The following TTLL5 variants were observed in gnomAD, a reference collection of about 807,000 sequenced individuals.
TTLL5 encodes the protein tubulin tyrosine ligase like 5.
A neutral mutation model predicts 168.4 loss-of-function variants in TTLL5; 132 were observed. The observed-to-expected ratio is 0.78, with a 90% confidence interval of 0.68 to 0.91. The LOEUF is 0.91. Ranked by LOEUF, TTLL5 falls within the 40% of genes least tolerant of loss-of-function variation. The pLI is 0.00. For synonymous variants in TTLL5, 546 were observed against 558.6 expected (o/e 0.98, Z 0.32); for missense variants, 1,545 against 1,581.5 (o/e 0.98, Z 0.39).
chr14:75,868,478 C>T (rs1455020491), intron 29 of TTLL5, among the ~76,000 whole-genome samples: 1 of 152,188 alleles, frequency 6.6e-6, no homozygotes. Flanking sequence ...CTTTTCCCTT[C>T]CCACCATGTC....
intron 17 of TTLL5, among the ~76,000 whole-genome samples, 196 bp from the exon 18 acceptor site, chr14:75,752,697 A>T (rs528894945): frequency 6.6e-6 from 1 of 151,404 alleles, no homozygotes; most frequent in Non-Finnish European, 1.5e-5. Context: ...TTTTTATTCT[A>T]TTTGTTTCTA....
chr14:75,671,446 T>C (rs181832069), intron 3 of TTLL5, among the ~76,000 whole-genome samples: 27 of 152,292 alleles, frequency 1.8e-4, no homozygotes, highest in Admixed American at 1.8e-3. Context: ...GCTGTTGGGA[T>C]GTTGATAGGG....
chr14:75,868,930 C>G (rs1174582589), intron 29 of TTLL5, among the ~76,000 whole-genome samples: 1 of 151,854 alleles, frequency 6.6e-6, no homozygotes, highest in African/African-American at 2.4e-5. Flanking sequence ...GGCAAACAGT[C>G]TAGCCATGCA....
At chr14:75,789,855 T>C (rs1892593484) in intron 26 of TTLL5, among the ~76,000 whole-genome samples, 1 of 152,198 alleles carries the variant, frequency 6.6e-6, no homozygotes, top group Admixed American at 6.5e-5. Flanking sequence ...CATTGGATTT[T>C]TTAAGCCTAT....
At chr14:75,896,480 C>T (rs2032667262) in intron 30 of TTLL5, among the ~76,000 whole-genome samples, 1 of 152,170 alleles carries the variant, frequency 6.6e-6, no homozygotes, top group African/African-American at 2.4e-5. Flanking sequence ...TTTGCTCTTC[C>T]TGTAAAATCT....
intron 31 of TTLL5, among the ~76,000 whole-genome samples, chr14:75,924,044 CTT>C (rs55779705): frequency 2.1e-5 from 3 of 142,904 alleles, no homozygotes; most frequent in Non-Finnish European, 1.5e-5. Context: ...GCAACCCCAG[CTT>C]TTTTTTTTTT....
intron 7 of TTLL5, among the ~76,000 whole-genome samples, chr14:75,704,198 A>G (rs185651283): frequency 2.0e-5 from 3 of 152,324 alleles, no homozygotes; most frequent in South Asian, 2.1e-4. Context: ...CTCCTTTACA[A>G]TGACTTAACA....
rs971549792 is a variant in TTLL5, at chr14:75,887,290, C to A, written c.3740+4388C>A. ...TGTCAGAAGAATATGAAAATAAACA[C>A]CGGCTTAAAAAATGTTATATCTTTT... On this transcript the variant is annotated intron_variant, in intron 30 of 31. Coordinates refer to ENST00000298832, the MANE Select transcript of TTLL5 (RefSeq NM_015072.5). The A allele has an allele frequency of 6.1e-6, 6 of 985,582 alleles. No individual in the cohort carries two copies. In the African/African-American group the frequency reaches 1.0e-4, roughly 17 times the overall value. The allele number at this position is 985,582 out of a possible 1,614,324, so 61.1% of individuals were successfully genotyped here.
intron 27 of TTLL5, among the ~76,000 whole-genome samples, chr14:75,793,445 A>T (rs1892829954): frequency 6.6e-6 from 1 of 152,134 alleles, no homozygotes; most frequent in Non-Finnish European, 1.5e-5. Context: ...AGTCTTATAA[A>T]TCTTTTTACC....
intron 26 of TTLL5, among the ~76,000 whole-genome samples, chr14:75,786,217 T>C (rs1202216692): frequency 2.0e-5 from 3 of 152,174 alleles, no homozygotes; most frequent in Non-Finnish European, 4.4e-5. Context: ...AAATCGGTAA[T>C]AATAATGATC....
At chr14:75,923,548 A>G (rs2033900924) in intron 31 of TTLL5, among the ~76,000 whole-genome samples, 3 of 152,016 alleles carry the variant, frequency 2.0e-5, no homozygotes, top group Admixed American at 2.0e-4. Context: ...CTTGAGTTCT[A>G]ATTTGATTGC....
intron 9 of TTLL5, among the ~76,000 whole-genome samples, chr14:75,713,736 A>G (rs961958544): frequency 1.3e-5 from 2 of 152,238 alleles, no homozygotes; most frequent in Non-Finnish European, 2.9e-5. Flanking sequence ...GGCATTTACT[A>G]TTTAGTGCCA....
intron 15 of TTLL5, among the ~76,000 whole-genome samples, chr14:75,736,588 G>A (rs1888923821): frequency 6.6e-6 from 1 of 152,192 alleles, no homozygotes; most frequent in African/African-American, 2.4e-5. Context: ...AGGCATAAGT[G>A]TGGGCCAGGT....
chr14:75,776,638 C>T (rs1292346254), intron 22 of TTLL5, 109 bp from the exon 23 acceptor site: 1 of 695,614 alleles, frequency 1.4e-6, no homozygotes. Context: ...AATGTCTTTA[C>T]TATAAGGACA....
intron 30 of TTLL5, chr14:75,887,330 T>C (rs771743282): frequency 2.9e-5 from 29 of 985,032 alleles, no homozygotes; most frequent in Non-Finnish European, 3.5e-5. Context: ...ATATGAGTCA[T>C]TAAAGTGAGA....
At position 75,816,170 on chromosome 14, in the gene TTLL5, C is replaced by T. The variant is rs1227708338; in HGVS notation, c.3172-3837C>T. On this transcript the variant is annotated intron_variant, in intron 27 of 31. Coordinates refer to ENST00000298832, the MANE Select transcript of TTLL5 (RefSeq NM_015072.5). ...TGAGATAATGCACTTCAAGATCATG[C>T]AAGAACCCAGCACTTTGGGAGGCCA... Among the ~76,000 whole-genome samples the T allele has an allele frequency of 5.3e-5, 8 of 152,082 alleles. No homozygotes were observed. The South Asian group carries it at 1.0e-3, about 20-fold the overall frequency.
chr14:75,735,671 G>T (rs1888845585), intron 15 of TTLL5, among the ~76,000 whole-genome samples: 1 of 152,172 alleles, frequency 6.6e-6, no homozygotes, highest in South Asian at 2.1e-4. Flanking sequence ...TAAAGAAGAT[G>T]CTTTGTTGAA....
chr14:75,925,916 G>A (rs922471981), intron 31 of TTLL5, among the ~76,000 whole-genome samples: 3 of 151,898 alleles, frequency 2.0e-5, no homozygotes, highest in South Asian at 2.1e-4. Flanking sequence ...CAGGCGTGGC[G>A]GCGCGCACCT....
intron 15 of TTLL5, chr14:75,744,848 T>C: frequency 3.7e-6 from 1 of 271,600 alleles, no homozygotes; most frequent in East Asian, 6.3e-5. Flanking sequence ...ATTCTTTCTT[T>C]CTTCTCTTTT....
Sources: allele counts gnomAD v4.1 joint callset (sites outside exome capture counted in the v4.1 genomes callset), GRCh38; gene constraint gnomAD v4.1.1; transcripts MANE v1.5; gene names NCBI Gene and HGNC (gene_info 2026-07-23, HGNC 2026-07-21).